CERKL: variants seen among roughly 807,000 people sequenced by gnomAD.
CERKL encodes ceramide kinase-like protein.
In CERKL, 61 loss-of-function variants were observed where a neutral mutation model predicts 63.4. That is an observed-to-expected ratio of 0.96 (90% CI 0.78 to 1.19). CERKL has a LOEUF of 1.19. CERKL is among the 50% of genes most tolerant of loss of function. The pLI, the probability that CERKL is intolerant of heterozygous loss-of-function variation, is 0.00. For missense variants in CERKL, 675 were observed against 655.5 expected (o/e 1.03, Z -0.33); for synonymous variants, 250 against 230.5 (o/e 1.08, Z -0.77).
chr2:181,647,676 A>G (rs1687729229), intron 1 of CERKL, among the ~76,000 whole-genome samples: 1 of 152,186 alleles, frequency 6.6e-6, no homozygotes, highest in South Asian at 2.1e-4. Context: ...ATTCCACTAG[A>G]TGTGCAGATG....
At chr2:181,545,439 G>A (rs989959730) in intron 10 of CERKL, among the ~76,000 whole-genome samples, 2 of 152,150 alleles carry the variant, frequency 1.3e-5, no homozygotes, top group Non-Finnish European at 2.9e-5. Flanking sequence ...AATGCATCAA[G>A]CTATAGAATG....
At chr2:181,629,981 C>T (rs1421443936) in intron 1 of CERKL, among the ~76,000 whole-genome samples, 1 of 141,886 alleles carries the variant, frequency 7.0e-6, no homozygotes, top group African/African-American at 2.6e-5. Flanking sequence ...AAAAAAAACA[C>T]AAGAAGCCTC....
At chr2:181,651,423 A>G (rs894312356) in intron 1 of CERKL, among the ~76,000 whole-genome samples, 1 of 152,238 alleles carries the variant, frequency 6.6e-6, no homozygotes, top group African/African-American at 2.4e-5. Context: ...CAAAAACTGT[A>G]TGATCATTTT....
At chr2:181,603,755 G>A (rs1474655248) in intron 2 of CERKL, 82 bp downstream of exon 2, 1 of 1,394,646 alleles carries the variant, frequency 7.2e-7, no homozygotes, top group Non-Finnish European at 1.0e-6. Context: ...CACTAAAGTT[G>A]TTTTTACTCA....
chr2:181,625,319 G>A (rs1217469433), intron 1 of CERKL, among the ~76,000 whole-genome samples: 1 of 151,574 alleles, frequency 6.6e-6, no homozygotes, highest in African/African-American at 2.4e-5. Flanking sequence ...ATGAAAAACA[G>A]AGTGAATGTA....
intron 4 of CERKL, among the ~76,000 whole-genome samples, chr2:181,565,127 T>A (rs1231296878): frequency 2.0e-5 from 3 of 152,192 alleles, no homozygotes; most frequent in African/African-American, 7.2e-5. Flanking sequence ...TACTCCATTT[T>A]GATTGCATCA....
chr2:181,551,719 G>A lies in CERKL; in HGVS notation c.821-2011C>T, dbSNP rs540695657. Among the ~76,000 whole-genome samples the A allele has an allele frequency of 7.9e-4, 120 of 152,118 alleles. No homozygotes were observed. The Middle Eastern group carries it at 0.014, about 17-fold the overall frequency. The stretch of plus-strand genomic sequence containing the variant: ...TGTTGGTGTAATGAGATATCTGGGG[G>A]GTGGGACCCAAGTCTAAACATAAAA... On this transcript the variant is annotated intron_variant, in intron 5 of 12. Transcript: ENST00000410087.
chr2:181,615,085 T>C (rs1045613919), intron 1 of CERKL, among the ~76,000 whole-genome samples: 2 of 152,232 alleles, frequency 1.3e-5, no homozygotes, highest in African/African-American at 4.8e-5. Flanking sequence ...ACAGAGATAC[T>C]GGGGACCATC....
At chr2:181,584,811 C>T (rs1684689653) in intron 2 of CERKL, among the ~76,000 whole-genome samples, 1 of 151,582 alleles carries the variant, frequency 6.6e-6, no homozygotes, top group Non-Finnish European at 1.5e-5. Context: ...CCAAATAGCT[C>T]CCCGGTTTTT....
chr2:181,611,325 TA>T (rs1020594346), intron 1 of CERKL, among the ~76,000 whole-genome samples: 1 of 151,720 alleles, frequency 6.6e-6, no homozygotes, highest in African/African-American at 2.4e-5. Context: ...TTGGTTTTGT[TA>T]AAAAAAAGTA....
chr2:181,558,490 T>G lies in CERKL; in HGVS notation c.820+76A>C. ...AAGTCTGTTCATTAATTCTGTGTTG[T>G]GCTGTCTAGATTAGCAAGTAAGAAA... On this transcript the variant is annotated intron_variant, in intron 5 of 12. Coordinates refer to ENST00000410087, the MANE Select transcript of CERKL (RefSeq NM_201548.5). The surrounding 1 kb of genome is among the most constrained non-coding windows in gnomAD (Gnocchi z 4.2). The G allele has an allele frequency of 1.4e-6, 2 of 1,468,138 alleles. No individual in the cohort carries two copies. The highest frequency in any genetic ancestry group is 1.1e-5 in the South Asian group (1 of 87,924). 90.9% of individuals were successfully genotyped at this position (1,468,138 alleles called of 1,614,324 possible).
intron 4 of CERKL, among the ~76,000 whole-genome samples, chr2:181,564,108 G>T (rs192783891): frequency 5.3e-5 from 8 of 152,182 alleles, no homozygotes; most frequent in African/African-American, 1.9e-4. Context: ...CGCGTGCCCA[G>T]TTCACAATAG....
chr2:181,557,180 T>C (rs1277236566), intron 5 of CERKL, among the ~76,000 whole-genome samples: 2 of 152,188 alleles, frequency 1.3e-5, no homozygotes, highest in African/African-American at 2.4e-5. Context: ...TTTTCTCCCT[T>C]TCTGTAGGTT....
At chr2:181,636,012 AG>A (rs1410964521) in intron 1 of CERKL, among the ~76,000 whole-genome samples, 3 of 152,198 alleles carry the variant, frequency 2.0e-5, no homozygotes, top group Admixed American at 6.6e-5. Context: ...AGGATACACA[AG>A]GAAAGAGCCT....
Position 181,537,486 on chromosome 2 carries a change from A to G in CERKL, c.*698T>C, listed in dbSNP as rs757221301. The G allele has an allele frequency of 2.2e-6, 1 of 452,986 alleles. No individual in the cohort carries two copies. Among genetic ancestry groups the G allele is most frequent in the South Asian group, 1.6e-5 (1 of 64,440 alleles). The allele number at this position is 452,986 out of a possible 1,614,324, so 28.1% of individuals were successfully genotyped here. A position where few individuals can be genotyped will look rare whatever the true frequency, so the allele number is the denominator to read the frequency against. ...CACTTTAAGAAGACAGGGATGGGTT[A>G]TTCTTTTTTGGCAGGTAGGCTATAT... On this transcript the variant is annotated 3_prime_UTR_variant, in exon 13 of 13. Coordinates refer to ENST00000410087, the MANE Select transcript of CERKL (RefSeq NM_201548.5).
chr2:181,606,610 T>C (rs560134787), intron 1 of CERKL, among the ~76,000 whole-genome samples: 83 of 148,524 alleles, frequency 5.6e-4, no homozygotes, highest in Admixed American at 2.3e-3. Context: ...AAGGCCTTTT[T>C]CTCAATTATT....
intron 1 of CERKL, among the ~76,000 whole-genome samples, chr2:181,620,015 G>A (rs918969804): frequency 6.6e-6 from 1 of 152,106 alleles, no homozygotes; most frequent in Non-Finnish European, 1.5e-5. Flanking sequence ...TACATTCGAG[G>A]CACTTCTTTG....
At chr2:181,629,320 A>G (rs920215392) in intron 1 of CERKL, among the ~76,000 whole-genome samples, 1 of 152,194 alleles carries the variant, frequency 6.6e-6, no homozygotes, top group Non-Finnish European at 1.5e-5. Context: ...CAGTGGATTT[A>G]GATAACAGGG....
At chr2:181,565,176 G>A (rs779745746) in intron 4 of CERKL, among the ~76,000 whole-genome samples, 32 of 152,126 alleles carry the variant, frequency 2.1e-4, no homozygotes, top group Non-Finnish European at 4.7e-4. Context: ...CTTTGGGAAG[G>A]TTAATGCCTT....
Sources: gnomAD v4.1 joint callset for allele counts (sites outside exome capture counted in the v4.1 genomes callset) on GRCh38, gnomAD v4.1.1 for gene constraint, Gnocchi (gnomAD v3.1) non-coding constraint, MANE v1.5 for transcripts, NCBI Gene and HGNC (gene_info 2026-07-23, HGNC 2026-07-21) for gene names.